The following RGS7 variants were observed in gnomAD, a reference collection of about 807,000 sequenced individuals.
RGS7 encodes the protein regulator of G-protein signaling 7.
In RGS7, 27 loss-of-function variants were observed where a neutral mutation model predicts 81.1. The ratio of observed to expected loss-of-function variants is 0.33; its 90% CI spans 0.25 to 0.46. RGS7 has a LOEUF of 0.46. Among genes scored for constraint, RGS7 ranks in the 20% least tolerant of loss-of-function variants. The pLI, the probability that RGS7 is intolerant of heterozygous loss-of-function variation, is 1.00. For missense variants in RGS7, 396 were observed against 607.4 expected (o/e 0.65, Z 3.66); for synonymous variants, 208 against 207.7 (o/e 1.00, Z -0.01).
intron 3 of RGS7, among the ~76,000 whole-genome samples, chr1:241,024,044 C>T (rs927337546): frequency 1.3e-5 from 2 of 152,204 alleles, no homozygotes; most frequent in African/African-American, 4.8e-5. Flanking sequence ...TGAGCCAACA[C>T]ATCCGGCTGA....
intron 2 of RGS7, among the ~76,000 whole-genome samples, chr1:241,277,394 C>T (rs895408699): frequency 2.0e-4 from 30 of 152,108 alleles, no homozygotes; most frequent in South Asian, 4.2e-4. Flanking sequence ...CCGAGGCGGG[C>T]GGATCACGTG....
intron 10 of RGS7, chr1:240,823,291 T>C (rs1692142791): frequency 1.6e-6 from 1 of 612,646 alleles, no homozygotes; most frequent in East Asian, 3.1e-5. Context: ...GGCCCAACCA[T>C]AATAAATGCC....
intron 4 of RGS7, among the ~76,000 whole-genome samples, chr1:240,947,110 A>G (rs1678764471): frequency 6.6e-6 from 1 of 152,200 alleles, no homozygotes; most frequent in African/African-American, 2.4e-5. Flanking sequence ...TGGACAACAC[A>G]CACATGCCCC....
intron 9 of RGS7, among the ~76,000 whole-genome samples, chr1:240,855,327 AGGAG>A (rs1558359174): frequency 1.2e-3 from 44 of 36,610 alleles, no homozygotes; most frequent in African/African-American, 2.3e-3. Flanking sequence ...AAAAAAAAAA[AGGAG>A]AAACAAAGAA....
At chr1:240,929,792 G>A (rs959363183) in intron 6 of RGS7, among the ~76,000 whole-genome samples, 18 of 151,992 alleles carry the variant, frequency 1.2e-4, no homozygotes, top group Non-Finnish European at 4.4e-5. Context: ...CAGTTCTCTC[G>A]CAAAATCATT....
rs572302761 is a variant in RGS7 at position 241,266,891 on chromosome 1, C to T, written c.78+88808G>A. Reference sequence around the variant, plus strand: ...TTTCTTCCTTTCCCTAAAACCTCCTCGGATTCTGGATCTAGGATTGTACTT... The same window carrying T: ...TTTCTTCCTTTCCCTAAAACCTCCTTGGATTCTGGATCTAGGATTGTACTT... On this transcript the variant is annotated intron_variant, in intron 2 of 18. Coordinates refer to ENST00000440928, the MANE Select transcript of RGS7 (RefSeq NM_001364886.1). Among the ~76,000 whole-genome samples, 5 of 152,242 alleles carry T rather than the reference C, an allele frequency of 3.3e-5. No individual in the cohort carries two copies. The East Asian group carries it at 5.8e-4, about 18-fold the overall frequency.
chr1:241,252,097 G>A (rs1181106045), intron 2 of RGS7, among the ~76,000 whole-genome samples: 1 of 150,712 alleles, frequency 6.6e-6, no homozygotes, highest in African/African-American at 2.4e-5. Context: ...AGGCTGGAGT[G>A]CAATGGTGTG....
chr1:240,836,507 G>C (rs1166260381), intron 9 of RGS7, among the ~76,000 whole-genome samples: 3 of 152,132 alleles, frequency 2.0e-5, no homozygotes, highest in Non-Finnish European at 4.4e-5. Flanking sequence ...TTGTCTGTGG[G>C]CATGCTGAAG....
rs149355862 is a variant in RGS7, at chr1:241,059,944, A to G, written c.175+38722T>C. ...CTGGACATTAGTCTTAACTTCTCCC[A>G]TTCTCATCATATCCACAGTCAGTCA... On this transcript the variant is annotated intron_variant, in intron 3 of 18. Coordinates refer to ENST00000440928, the MANE Select transcript of RGS7 (RefSeq NM_001364886.1). 4.4e-4 allele frequency among the ~76,000 whole-genome samples: 67 copies of G among 152,300 alleles called. 1 individual carries two copies. Among genetic ancestry groups the G allele is most frequent in the African/African-American group, 1.5e-3 (62 of 41,566 alleles).
downstream of RGS7, among the ~76,000 whole-genome samples, chr1:240,775,074 A>G (rs1383783279): frequency 4.6e-5 from 7 of 152,154 alleles, 1 homozygote; most frequent in South Asian, 1.5e-3. Flanking sequence ...CCAAGAGGTG[A>G]CTGTATTCTC....
intron 3 of RGS7, among the ~76,000 whole-genome samples, chr1:241,023,735 T>TACTG (rs557369166): frequency 5.3e-5 from 8 of 152,128 alleles, no homozygotes; most frequent in African/African-American, 1.9e-4. Context: ...ATGCTTTTCA[T>TACTG]ATTGATTGAT....
At chr1:240,933,033 G>A (rs1182212795) in intron 5 of RGS7, among the ~76,000 whole-genome samples, 2 of 147,218 alleles carry the variant, frequency 1.4e-5, no homozygotes, top group African/African-American at 2.5e-5. Context: ...ACAGGCGCCC[G>A]CACCACGCCC....
At chr1:240,915,254 T>C (rs575617910) in intron 6 of RGS7, among the ~76,000 whole-genome samples, 119 of 152,078 alleles carry the variant, frequency 7.8e-4, no homozygotes, top group Non-Finnish European at 1.5e-3. Flanking sequence ...TAGGGAAATA[T>C]CCAACTCCAG....
At chr1:240,889,842 T>C (rs1667992999) in intron 6 of RGS7, among the ~76,000 whole-genome samples, 1 of 152,140 alleles carries the variant, frequency 6.6e-6, no homozygotes, top group African/African-American at 2.4e-5. Context: ...AAAAGAGCCC[T>C]GGCCCTGTTC....
chr1:240,971,222 C>G (rs1461737880), intron 4 of RGS7, among the ~76,000 whole-genome samples: 2 of 152,128 alleles, frequency 1.3e-5, no homozygotes, highest in African/African-American at 2.4e-5. Context: ...AACCAGAACG[C>G]AGACCCTCAG....
intron 6 of RGS7, among the ~76,000 whole-genome samples, chr1:240,874,142 C>T (rs1664957140): frequency 1.3e-5 from 2 of 152,178 alleles, no homozygotes; most frequent in Non-Finnish European, 2.9e-5. Context: ...AGTGGGCCCT[C>T]CCCAGACATC....
At chr1:240,818,464 T>G (rs1233314872) in intron 10 of RGS7, among the ~76,000 whole-genome samples, 1 of 152,176 alleles carries the variant, frequency 6.6e-6, no homozygotes, top group Admixed American at 6.5e-5. Context: ...AGTGATTTAA[T>G]TTACACTGAA....
chr1:241,143,568 C>G (rs2068084084), intron 2 of RGS7, among the ~76,000 whole-genome samples: 1 of 152,170 alleles, frequency 6.6e-6, no homozygotes, highest in African/African-American at 2.4e-5. Flanking sequence ...TGGGAAAGAC[C>G]TGCCCCCATG....
intron 4 of RGS7, among the ~76,000 whole-genome samples, chr1:240,956,387 A>T (rs889764110): frequency 4.4e-5 from 2 of 45,844 alleles, no homozygotes; most frequent in African/African-American, 1.1e-4. Context: ...AAACAAAAAA[A>T]CAAAAAAAAA....
Sources: allele counts gnomAD v4.1 joint callset (sites outside exome capture counted in the v4.1 genomes callset), GRCh38; gene constraint gnomAD v4.1.1; transcripts MANE v1.5; gene names NCBI Gene and HGNC (gene_info 2026-07-23, HGNC 2026-07-21).